DRP2: variants seen among roughly 807,000 people sequenced by gnomAD.
DRP2 encodes the protein dystrophin related protein 2.
DRP2 carries 29 observed loss-of-function variants against 78.2 expected under a neutral mutation model. The observed-to-expected ratio is 0.37, with a 90% CI of 0.28 to 0.51. The LOEUF (loss-of-function observed/expected upper bound fraction) is 0.51. Ranked by LOEUF, DRP2 falls within the 20% of genes least tolerant of loss-of-function variation. The pLI is 0.94. For missense variants in DRP2, 686 were observed against 770.6 expected (o/e 0.89, Z 1.30); for synonymous variants, 290 against 281.9 (o/e 1.03, Z -0.29).
intron 22 of DRP2, 70 bp from the exon 23 acceptor site, chrX:101,259,979 A>G (rs1244143615): frequency 8.4e-7 from 1 of 1,184,503 alleles, no homozygotes; most frequent in East Asian, 3.0e-5. Flanking sequence ...GGTCCCTTCT[A>G]AGCTCAGGAG....
rs755247034 is a variant in DRP2, at chrX:101,260,560, G to A, written c.2813G>A (p.Arg938His). Residue 938 changes from arginine (R) to histidine (H), a missense_variant, in exon 24 of 24, where the codon CGT becomes CAT. Physicochemically the swap from Arg to His is conservative, Grantham distance 29. This residue lies in a region of DRP2 where 423 missense variants were observed against 531.5 expected (regional missense o/e 0.80). Transcript: ENST00000395209. The part of the protein sequence containing the change: ...LCLEDIMEKL[R>H]HAFPSVRSSD... ...TTGGAGGACATCATGGAGAAACTCC[G>A]TCATGCCTTCCCCAGTGTGCGAAGT... 6 of 1,209,522 alleles carry A rather than the reference G, an allele frequency of 5.0e-6. No homozygotes were observed. The highest frequency in any genetic ancestry group is 5.9e-5 in the East Asian group (2 of 33,737).
Position 101,255,194 on chromosome X carries a change from A to T in DRP2, c.2191A>T (p.Met731Leu), listed in dbSNP as rs1162664135. 8.3e-7 allele frequency: 1 copy of T among 1,211,263 alleles called. No homozygotes were observed. Among genetic ancestry groups the T allele is most frequent in the South Asian group, 1.8e-5 (1 of 56,958 alleles). The change falls in exon 20 of 24, where the codon ATG (methionine) becomes TTG (leucine). Residue 731 changes from methionine to leucine, a missense_variant. Around this residue, in one of 2 missense-constraint regions of DRP2, gnomAD observed 423 missense variants for 531.5 expected, o/e 0.80. Transcript: ENST00000395209. ...IEHFASRLAE[M>L]ESQNCSFFND... ...GCTCTTTATTCCTAGGCTTGCTGAG[A>T]TGGAAAGTCAAAATTGCTCCTTCTT... is the stretch of plus-strand genomic sequence containing the variant.
At chrX:101,229,358 A>G (rs1313413773) in intron 2 of DRP2, among the ~76,000 whole-genome samples, 1 of 111,563 alleles carries the variant, frequency 9.0e-6, no homozygotes, top group East Asian at 2.8e-4. Context: ...ATGAGTAGCT[A>G]CATAGCTGTA....
At chrX:101,235,195 G>A (rs1460426864) in intron 3 of DRP2, among the ~76,000 whole-genome samples, 1 of 112,082 alleles carries the variant, frequency 8.9e-6, no homozygotes, top group Non-Finnish European at 1.9e-5. Context: ...GACTTTGGCA[G>A]GCTCCATGGC....
At chrX:101,241,641 A>G in intron 6 of DRP2, 27 bp from the exon 7 acceptor site, 1 of 1,206,894 alleles carries the variant, frequency 8.3e-7, no homozygotes, top group Non-Finnish European at 1.1e-6. Context: ...TGGTTGGCCT[A>G]ACCTGGCTTC....
chrX:101,252,982 A>G (rs1923191251), intron 17 of DRP2, among the ~76,000 whole-genome samples: 1 of 112,041 alleles, frequency 8.9e-6, no homozygotes, highest in South Asian at 3.7e-4. Context: ...GAAAAGTCTC[A>G]GGAAAAACAA....
chrX:101,224,513 A>C (rs1348205333), intron 1 of DRP2, 91 bp from the exon 2 acceptor site: 2 of 111,438 alleles, frequency 1.8e-5, no homozygotes, highest in African/African-American at 6.5e-5. Flanking sequence ...TAAGCATGCT[A>C]TTCTGGCATT....
intron 2 of DRP2, among the ~76,000 whole-genome samples, 199 bp from the exon 3 acceptor site, chrX:101,231,386 C>A (rs1922302747): frequency 8.9e-6 from 1 of 112,170 alleles, no homozygotes; most frequent in Admixed American, 9.5e-5. Flanking sequence ...ATGTCTCTAG[C>A]ACAAAGCACT....
chrX:101,252,609 C>T lies in DRP2; in HGVS notation c.1870C>T (p.Arg624Trp), dbSNP rs1461324020. The change falls in exon 17 of 24, where the codon CGG becomes TGG. Residue 624 changes from arginine (R) to tryptophan (W), a missense_variant. Arg to Trp is a moderately radical substitution (Grantham distance 101). Around this residue, in one of 2 missense-constraint regions of DRP2, gnomAD observed 423 missense variants for 531.5 expected, o/e 0.80. Transcript: ENST00000395209. The part of the protein sequence containing the change: ...RQCPIKGFRY[R>W]SLKQFNVDIC... The stretch of plus-strand genomic sequence containing the variant: ...CTACATCTCCTCTCCCCCAAGGTAC[C>T]GGAGTCTGAAGCAATTCAACGTTGA... The T allele has an allele frequency of 8.3e-7, 1 of 1,209,458 alleles. No individual in the cohort carries two copies. Among genetic ancestry groups the T allele is most frequent in the Non-Finnish European group, 1.1e-6 (1 of 893,590 alleles).
intron 3 of DRP2, 84 bp downstream of exon 3, chrX:101,231,848 G>T: frequency 1.2e-6 from 1 of 800,550 alleles, no homozygotes. Flanking sequence ...CGCTTCCTAA[G>T]GCTCAGGGGC....
chrX:101,231,682 C>G lies in DRP2; in HGVS notation c.35C>G (p.Thr12Ser). The G allele has an allele frequency of 8.3e-7, 1 of 1,211,250 alleles. No individual in the cohort carries two copies. Among genetic ancestry groups the G allele is most frequent in the Admixed American group, 2.2e-5 (1 of 45,993 alleles). ...ATGGTCATGCAGGGATGCCCTTACACCCTCCCACGATGTCATGACTGGCAG... is the reference window on the plus strand; with the variant it reads ...ATGGTCATGCAGGGATGCCCTTACAGCCTCCCACGATGTCATGACTGGCAG... ...QPMVMQGCPY[T>S]LPRCHDWQAA... is the part of the protein sequence containing the mutation. Residue 12 changes from threonine (T) to serine (S), a missense_variant, in exon 3 of 24, where the codon ACC becomes AGC. This residue lies in a region of DRP2 where 263 missense variants were observed against 239.1 expected (regional missense o/e 1.10). Coordinates refer to ENST00000395209, the MANE Select transcript of DRP2 (RefSeq NM_001939.3).
At chrX:101,224,201 T>TTTG (rs1922018876) in intron 1 of DRP2, among the ~76,000 whole-genome samples, 2 of 48,325 alleles carry the variant, frequency 4.1e-5, no homozygotes, top group Admixed American at 2.1e-4. Context: ...GTTTTTTTTT[T>TTTG]TTTTTTTTTT....
chrX:101,249,233 G>A (rs1219096691), intron 14 of DRP2, among the ~76,000 whole-genome samples: 1 of 112,004 alleles, frequency 8.9e-6, no homozygotes, highest in Non-Finnish European at 1.9e-5. Flanking sequence ...TCCAGAGGAG[G>A]AGATGGAAGT....
chrX:101,229,782 C>A (rs769857566), intron 2 of DRP2, among the ~76,000 whole-genome samples: 17 of 111,821 alleles, frequency 1.5e-4, no homozygotes, highest in Non-Finnish European at 2.8e-4. Flanking sequence ...TATTTGCAAG[C>A]ATCATCTTTG....
In DRP2 at chrX:101,257,449, A is replaced by G. The variant is rs7877979; in HGVS notation, c.2391-860A>G. Among the ~76,000 whole-genome samples, 446 of 108,008 alleles carry G rather than the reference A, an allele frequency of 4.1e-3. 2 individuals carry two copies. Among genetic ancestry groups the G allele is most frequent in the African/African-American group, 0.013 (395 of 29,477 alleles). 93.8% of individuals were successfully genotyped at this position (108,008 alleles called of 115,157 possible). A position where few individuals can be genotyped will look rare whatever the true frequency, so the allele number is the denominator to read the frequency against. On this transcript the variant is annotated intron_variant, in intron 21 of 23. Transcript: ENST00000395209. ...CAAGATAAAAAAAAAAAAAAAAAAA[A>G]AGAGAGAGTAAGCTTTTAGAAACTT...
intron 21 of DRP2, 30 bp downstream of exon 21, chrX:101,256,291 G>T: frequency 8.9e-7 from 1 of 1,129,822 alleles, no homozygotes. Context: ...AAATCTGTGT[G>T]GGTTCTTGAG....
intron 11 of DRP2, 97 bp from the exon 12 acceptor site, chrX:101,246,993 C>A: frequency 1.5e-6 from 1 of 676,175 alleles, no homozygotes; most frequent in Non-Finnish European, 2.2e-6. Flanking sequence ...TGTCAGACAT[C>A]TATTGGTTGC....
chrX:101,248,404 G>A, intron 13 of DRP2, 110 bp from the exon 14 acceptor site: 1 of 1,109,790 alleles, frequency 9.0e-7, no homozygotes, highest in Non-Finnish European at 1.2e-6. Context: ...TCAGCTTGGG[G>A]CATGGTTGGA....
chrX:101,231,694 G>A lies in DRP2; in HGVS notation c.47G>A (p.Cys16Tyr), dbSNP rs1922314636. The A allele has an allele frequency of 1.7e-6, 2 of 1,209,349 alleles. No individual in the cohort carries two copies. The change falls in exon 3 of 24, where the codon TGT becomes TAT. Residue 16 changes from cysteine (C) to tyrosine (Y), a missense_variant. Physicochemically the swap from Cys to Tyr is radical, Grantham distance 194. Around this residue, in one of 2 missense-constraint regions of DRP2, gnomAD observed 263 missense variants for 239.1 expected, o/e 1.10. Coordinates refer to ENST00000395209, the MANE Select transcript of DRP2 (RefSeq NM_001939.3). Reference sequence around the variant, plus strand: ...GGATGCCCTTACACCCTCCCACGATGTCATGACTGGCAGGCAGCTGACCAG... The same window carrying A: ...GGATGCCCTTACACCCTCCCACGATATCATGACTGGCAGGCAGCTGACCAG... The part of the protein sequence containing the change: ...MQGCPYTLPR[C>Y]HDWQAADQFH...
Sources: allele counts gnomAD v4.1 joint callset (sites outside exome capture counted in the v4.1 genomes callset), GRCh38; gene constraint gnomAD v4.1.1; regional missense constraint gnomAD v4.1.1; transcripts MANE v1.5; gene names NCBI Gene and HGNC (gene_info 2026-07-23, HGNC 2026-07-21).